Variants in PLCL1 observed in about 807,000 individuals in gnomAD.
The protein encoded by PLCL1 is inactive phospholipase C-like protein 1.
Under a neutral mutation model 84.4 loss-of-function variants are expected in PLCL1, and 41 were observed. That is an observed-to-expected ratio of 0.49 (90% CI 0.38 to 0.63). PLCL1 has a LOEUF of 0.63. Ranked by LOEUF, PLCL1 falls within the 30% of genes least tolerant of loss-of-function variation. The pLI, the probability that PLCL1 is intolerant of heterozygous loss-of-function variation, is 0.00. For synonymous variants in PLCL1, 490 were observed against 488.3 expected (o/e 1.00, Z -0.05); for missense variants, 1,206 against 1,367.8 (o/e 0.88, Z 1.87).
At chr2:197,868,822 C>T (rs1687594899) in intron 1 of PLCL1, among the ~76,000 whole-genome samples, 1 of 151,854 alleles carries the variant, frequency 6.6e-6, no homozygotes, top group Non-Finnish European at 1.5e-5. Context: ...GGCCTTTACA[C>T]ATACTTTTAA....
At chr2:197,987,071 G>C (rs533090349) in intron 1 of PLCL1, among the ~76,000 whole-genome samples, 2 of 152,010 alleles carry the variant, frequency 1.3e-5, no homozygotes, top group Admixed American at 6.6e-5. Flanking sequence ...TTAACTCTCC[G>C]CCAAGTTTAC....
At chr2:197,825,847 A>G (rs1297562180) in intron 1 of PLCL1, among the ~76,000 whole-genome samples, 1 of 152,238 alleles carries the variant, frequency 6.6e-6, no homozygotes, top group African/African-American at 2.4e-5. Context: ...CTATCCCACA[A>G]GTTTGCCATA....
intron 1 of PLCL1, among the ~76,000 whole-genome samples, chr2:197,892,105 T>G (rs1332618279): frequency 3.9e-5 from 6 of 152,208 alleles, no homozygotes; most frequent in Admixed American, 3.9e-4. Flanking sequence ...TAACATCCTG[T>G]TTACTCACGA....
chr2:198,105,959 T>G lies in PLCL1; in HGVS notation c.3105+2023T>G, dbSNP rs72914712. On this transcript the variant is annotated intron_variant, in intron 5 of 5. Transcript: ENST00000428675. ...GAAATGATTTAGGCAGACAATATAT[T>G]CTTGACAGCTAAATGGGAGAAAAAT... Among the ~76,000 whole-genome samples, 260 of 152,048 alleles carry G rather than the reference T, an allele frequency of 1.7e-3. 1 individual carries two copies. Among genetic ancestry groups the G allele is most frequent in the Non-Finnish European group, 3.0e-3 (201 of 67,914 alleles).
intron 1 of PLCL1, among the ~76,000 whole-genome samples, chr2:197,839,907 G>C (rs1440443957): frequency 6.6e-6 from 1 of 152,048 alleles, no homozygotes. Context: ...TTTAATCTTT[G>C]GAGAGTGAGC....
chr2:197,998,617 A>AG (rs1261436783), intron 1 of PLCL1, among the ~76,000 whole-genome samples: 1 of 152,150 alleles, frequency 6.6e-6, no homozygotes, highest in African/African-American at 2.4e-5. Context: ...GCATCAGAAA[A>AG]GCTTTTGTTT....
intron 5 of PLCL1, among the ~76,000 whole-genome samples, chr2:198,111,178 T>G (rs903578496): frequency 4.0e-5 from 6 of 151,850 alleles, no homozygotes; most frequent in Non-Finnish European, 7.4e-5. Context: ...TACTACAATA[T>G]AACACAATGG....
intron 1 of PLCL1, among the ~76,000 whole-genome samples, chr2:197,960,139 T>A (rs912040523): frequency 2.6e-5 from 4 of 152,072 alleles, no homozygotes; most frequent in Admixed American, 6.6e-5. Flanking sequence ...TTCTTTCACA[T>A]TAATAAAAAA....
At chr2:197,889,496 C>A (rs1324090115) in intron 1 of PLCL1, among the ~76,000 whole-genome samples, 1 of 152,040 alleles carries the variant, frequency 6.6e-6, no homozygotes, top group African/African-American at 2.4e-5. Context: ...TTTTAATATT[C>A]TGTCAAACAT....
intron 1 of PLCL1, among the ~76,000 whole-genome samples, chr2:198,029,864 C>T (rs1691365504): frequency 9.6e-6 from 1 of 104,500 alleles, no homozygotes; most frequent in Admixed American, 9.9e-5. Flanking sequence ...CCATGCCCAG[C>T]TAATTTTGTA....
intron 1 of PLCL1, among the ~76,000 whole-genome samples, chr2:197,841,358 C>T (rs1687000144): frequency 6.6e-6 from 1 of 152,184 alleles, no homozygotes; most frequent in East Asian, 1.9e-4. Flanking sequence ...CTGAAAATCT[C>T]CTGTGCTTTG....
At chr2:197,864,868 A>G (rs6722658) in intron 1 of PLCL1, among the ~76,000 whole-genome samples, 2,895 of 152,230 alleles carry the variant, frequency 0.019, 80 homozygotes, top group African/African-American at 0.067. Flanking sequence ...AGCGGTTAAG[A>G]ACTTCCTTGT....
Position 198,088,995 on chromosome 2 carries a change from T to A in PLCL1, c.2853T>A (p.Phe951Leu), listed in dbSNP as rs745691558. 1.2e-6 allele frequency: 2 copies of A among 1,613,914 alleles called. No homozygotes were observed. The highest frequency in any genetic ancestry group is 8.5e-7 in the Non-Finnish European group (1 of 1,179,876). The part of the protein sequence containing the change: ...PSVSLVMKDS[F>L]PYLEPLGAIP... Reference sequence around the variant, plus strand: ...TCTCACTTGTGATGAAAGACAGCTTTCCTTACCTGGAGCCTCTGGGTGCAA... The same window carrying A: ...TCTCACTTGTGATGAAAGACAGCTTACCTTACCTGGAGCCTCTGGGTGCAA... The change falls in exon 3 of 6, where the codon TTT (phenylalanine) becomes TTA (leucine). Residue 951 changes from phenylalanine to leucine, a missense_variant. By Grantham distance (22) the Phe-to-Leu change is conservative. Coordinates refer to ENST00000428675, the MANE Select transcript of PLCL1 (RefSeq NM_006226.4).
At chr2:198,114,139 T>C (rs1053970129) in intron 5 of PLCL1, among the ~76,000 whole-genome samples, 1 of 151,882 alleles carries the variant, frequency 6.6e-6, no homozygotes, top group African/African-American at 2.4e-5. Context: ...ACAGCTCTTA[T>C]CCAACAATAT....
intron 1 of PLCL1, among the ~76,000 whole-genome samples, chr2:198,036,401 A>G (rs570436745): frequency 6.6e-6 from 1 of 152,350 alleles, no homozygotes; most frequent in South Asian, 2.1e-4. Flanking sequence ...TTGAGATGCT[A>G]GAGAAGTTTG....
At chr2:197,962,080 T>A (rs149639858) in intron 1 of PLCL1, among the ~76,000 whole-genome samples, 201 of 152,206 alleles carry the variant, frequency 1.3e-3, no homozygotes, top group African/African-American at 4.3e-3. Context: ...CTCTATGCCC[T>A]CAGAATAGCT....
chr2:197,995,005 C>T (rs1480353696), intron 1 of PLCL1, among the ~76,000 whole-genome samples: 1 of 152,094 alleles, frequency 6.6e-6, no homozygotes, highest in Non-Finnish European at 1.5e-5. Context: ...AATGCTTGCC[C>T]CATAAGTTTT....
chr2:197,960,248 G>A (rs1239059819), intron 1 of PLCL1, among the ~76,000 whole-genome samples: 2 of 152,086 alleles, frequency 1.3e-5, no homozygotes, highest in Non-Finnish European at 2.9e-5. Context: ...TAGATAAAAA[G>A]ATGGAGGAAC....
At chr2:198,037,325 T>C (rs1691571366) in intron 1 of PLCL1, among the ~76,000 whole-genome samples, 1 of 152,214 alleles carries the variant, frequency 6.6e-6, no homozygotes, top group Admixed American at 6.5e-5. Context: ...ACAGTCTTGA[T>C]GAAATACACT....
Sources: allele counts gnomAD v4.1 joint callset (sites outside exome capture counted in the v4.1 genomes callset), GRCh38; gene constraint gnomAD v4.1.1; transcripts MANE v1.5; gene names NCBI Gene and HGNC (gene_info 2026-07-23, HGNC 2026-07-21).